Variants in SFTPA1 observed in about 807,000 individuals in gnomAD.
SFTPA1 encodes the protein pulmonary surfactant-associated protein A1.
A neutral mutation model predicts 19.1 loss-of-function variants in SFTPA1; 13 were observed. The observed-to-expected ratio is 0.68, with a 90% CI of 0.44 to 1.08. The LOEUF (loss-of-function observed/expected upper bound fraction) is 1.08, where lower values mean the gene tolerates loss of function less well. Ranked by LOEUF, SFTPA1 falls within the 50% of genes least tolerant of loss-of-function variation. The pLI is 0.00. For missense variants in SFTPA1, 259 were observed against 316.4 expected (o/e 0.82, Z 1.38); for synonymous variants, 101 against 117.0 (o/e 0.86, Z 0.88).
chr10:79,613,736 G>T lies in SFTPA1; in HGVS notation c.371-1G>T, dbSNP rs974675731. The T allele has an allele frequency of 9.3e-6, 15 of 1,613,866 alleles. No individual in the cohort carries two copies. The highest frequency in any genetic ancestry group is 1.3e-5 in the Non-Finnish European group (15 of 1,179,878). Reference sequence around the variant, plus strand: ...CCTGACCCGGACTCCTCTGCTCTCAGCCCTCAGTCTGCAGGGCTCCATAAT... The same window carrying T: ...CCTGACCCGGACTCCTCTGCTCTCATCCCTCAGTCTGCAGGGCTCCATAAT... On this transcript the variant is annotated splice_acceptor_variant, in intron 5 of 5. Transcript: ENST00000398636. LOFTEE classifies it high-confidence loss of function.
intron 5 of SFTPA1, among the ~76,000 whole-genome samples, chr10:79,613,505 T>C (rs564750393): frequency 6.6e-6 from 1 of 152,316 alleles, no homozygotes; most frequent in Non-Finnish European, 1.5e-5. Context: ...TCCACTGAAT[T>C]CCAGGAAATT....
intron 3 of SFTPA1, 132 bp downstream of exon 3, chr10:79,612,129 G>A: frequency 3.1e-6 from 5 of 1,588,296 alleles, no homozygotes; most frequent in Non-Finnish European, 4.3e-6. Context: ...ACTTCAGTCT[G>A]CAGGGCTGGT....
chr10:79,611,714 C>T, intron 2 of SFTPA1, 89 bp from the exon 3 acceptor site: 1 of 1,608,000 alleles, frequency 6.2e-7, no homozygotes, highest in Non-Finnish European at 8.5e-7. Context: ...GCCTCTCGGG[C>T]TCTGCCCAGC....
At chr10:79,612,738 C>T (rs1859933171) in intron 4 of SFTPA1, among the ~76,000 whole-genome samples, 1 of 152,008 alleles carries the variant, frequency 6.6e-6, no homozygotes, top group South Asian at 2.1e-4. Flanking sequence ...GATGGAGGCC[C>T]TGGGGGCTGT....
At chr10:79,613,040 T>A (rs1610803) in intron 4 of SFTPA1, 149 bp from the exon 5 acceptor site, 1 of 1,508,384 alleles carries the variant, frequency 6.6e-7, no homozygotes, top group African/African-American at 1.4e-5. Context: ...ACTGGAATCT[T>A]GTGGACCCTC....
Position 79,614,288 on chromosome 10 carries a change from C to T in SFTPA1, c.*175C>T. 1 of 1,026,532 alleles carries T rather than the reference C, an allele frequency of 9.7e-7. No individual in the cohort carries two copies. The allele number at this position is 1,026,532 out of a possible 1,614,324, so 63.6% of individuals were successfully genotyped here. A position where few individuals can be genotyped will look rare whatever the true frequency, so the allele number is the denominator to read the frequency against. The stretch of plus-strand genomic sequence containing the variant: ...CCTCTGATGGGCCCTGACTCTTCCC[C>T]ATAATCACTGACCAGCCTTGACACT... On this transcript the variant is annotated 3_prime_UTR_variant, in exon 6 of 6. Transcript: ENST00000398636.
In SFTPA1 at chr10:79,614,382, G is replaced by A; in HGVS notation, c.*269G>A. ...TTAGCCTTGGCCTTCGACATGAGAT[G>A]GAGCCCTCCTTATTCCCCATCTGGT... On this transcript the variant is annotated 3_prime_UTR_variant, in exon 6 of 6. Transcript: ENST00000398636. The A allele has an allele frequency of 1.8e-6, 1 of 568,792 alleles. No homozygotes were observed. Among genetic ancestry groups the A allele is most frequent in the Admixed American group, 3.1e-5 (1 of 32,422 alleles). 35.2% of individuals were successfully genotyped at this position (568,792 alleles called of 1,614,324 possible).
intron 3 of SFTPA1, 49 bp downstream of exon 3, chr10:79,612,046 T>C (rs757373648): frequency 1.1e-5 from 17 of 1,607,308 alleles, no homozygotes; most frequent in Middle Eastern, 3.6e-4. Flanking sequence ...AGACCCCTTT[T>C]CAGGAGGCCC....
Position 79,612,387 on chromosome 10 carries a change from G to A in SFTPA1, c.248G>A (p.Gly83Glu), listed in dbSNP as rs762122985. The change falls in exon 4 of 6, where the codon GGA (glycine) becomes GAA (glutamate). Residue 83 changes from glycine (G) to glutamate (E), a missense_variant. Transcript: ENST00000398636. ...DGLPGAPGIP[G>E]ECGEKGEPGE... ...CTGCCTGGAGCCCCTGGTATCCCTGGAGAGTGTGGAGAGAAGGGGGAGCCT... is the reference window on the plus strand; with the variant it reads ...CTGCCTGGAGCCCCTGGTATCCCTGAAGAGTGTGGAGAGAAGGGGGAGCCT... 6.2e-7 allele frequency: 1 copy of A among 1,613,938 alleles called. No individual in the cohort carries two copies. The highest frequency in any genetic ancestry group is 8.5e-7 in the Non-Finnish European group (1 of 1,179,908).
At chr10:79,612,495 C>G (rs538844818) in intron 4 of SFTPA1, 64 bp downstream of exon 4, 1 of 1,603,230 alleles carries the variant, frequency 6.2e-7, no homozygotes, top group African/African-American at 1.3e-5. Context: ...GTCAGTTACA[C>G]GGGGATGATG....
intron 2 of SFTPA1, 137 bp from the exon 3 acceptor site, chr10:79,611,666 G>T: frequency 6.4e-7 from 1 of 1,568,972 alleles, no homozygotes; most frequent in Admixed American, 1.9e-5. Context: ...TTTCCCGGGA[G>T]CTTCGGGTCT....
At position 79,613,742 on chromosome 10, in the gene SFTPA1, A is replaced by G. The variant is rs147977083; in HGVS notation, c.376A>G (p.Ser126Gly). The G allele has an allele frequency of 1.9e-6, 3 of 1,613,876 alleles. No individual in the cohort carries two copies. The African/African-American group carries it at 4.0e-5, about 22-fold the overall frequency. Residue 126 changes from serine to glycine, a missense_variant, in exon 6 of 6, where the codon AGT becomes GGT. Coordinates refer to ENST00000398636, the MANE Select transcript of SFTPA1 (RefSeq NM_005411.5). ...HQILQTRGALSLQGSIMTVGE... is the reference protein window; with the variant it reads ...HQILQTRGALGLQGSIMTVGE... The stretch of plus-strand genomic sequence containing the variant: ...CCGGACTCCTCTGCTCTCAGCCCTC[A>G]GTCTGCAGGGCTCCATAATGACAGT...
At position 79,614,232 on chromosome 10, in the gene SFTPA1, T is replaced by C; in HGVS notation, c.*119T>C. 6.4e-7 allele frequency: 1 copy of C among 1,555,404 alleles called. No individual in the cohort carries two copies. The highest frequency in any genetic ancestry group is 8.8e-7 in the Non-Finnish European group (1 of 1,138,992). The stretch of plus-strand genomic sequence containing the variant: ...TTCAACAGAATTCACTTGTGGCTAT[T>C]GGGACTGGAGGCACCCTTAGCCACT... On this transcript the variant is annotated 3_prime_UTR_variant, in exon 6 of 6. Coordinates refer to ENST00000398636, the MANE Select transcript of SFTPA1 (RefSeq NM_005411.5).
rs991773324 is a variant in SFTPA1, at chr10:79,613,138, T to C, written c.293-51T>C. 6 of 1,613,262 alleles carry C rather than the reference T, an allele frequency of 3.7e-6. No homozygotes were observed. The South Asian group carries it at 6.6e-5, about 18-fold the overall frequency. On this transcript the variant is annotated intron_variant, in intron 4 of 5. Coordinates refer to ENST00000398636, the MANE Select transcript of SFTPA1 (RefSeq NM_005411.5). ...GGCAAAACACCTGCGTGGCAGCAAG[T>C]GGGAGTCTTCACTGGCCTGCCCCTC...
At position 79,613,273 on chromosome 10, in the gene SFTPA1, G is replaced by A. The variant is rs1390802543; in HGVS notation, c.370+7G>A. Reference sequence around the variant, plus strand: ...ATCCTGCAGACAAGGGGAGGTAAGGGGACCCCCTGGGCCTCACGGGGTAGG... The same window carrying A: ...ATCCTGCAGACAAGGGGAGGTAAGGAGACCCCCTGGGCCTCACGGGGTAGG... On this transcript the variant is annotated splice_region_variant and intron_variant, in intron 5 of 5. Transcript: ENST00000398636. 13 of 1,614,012 alleles carry A rather than the reference G, an allele frequency of 8.1e-6. No homozygotes were observed. The highest frequency in any genetic ancestry group is 1.1e-5 in the Non-Finnish European group (13 of 1,179,976).
In SFTPA1 at chr10:79,611,875, G is replaced by A. The variant is rs201467030; in HGVS notation, c.50G>A (p.Gly17Asp). 2.3e-4 allele frequency: 364 copies of A among 1,614,020 alleles called. 2 individuals are homozygous for A. The Admixed American group carries it at 5.3e-3, about 23-fold the overall frequency. ...AACCTCATCTTGATGGCAGCCTCTG[G>A]TGCTGTGTGCGAAGTGAAGGACGTT... ...ALNLILMAAS[G>D]AVCEVKDVCV... The change falls in exon 3 of 6, where the codon GGT (glycine) becomes GAT (aspartate). Residue 17 changes from glycine to aspartate, a missense_variant. Physicochemically the swap from Gly to Asp is moderately conservative, Grantham distance 94 (BLOSUM62 -1). Transcript: ENST00000398636.
chr10:79,611,728 C>T, intron 2 of SFTPA1, 75 bp from the exon 3 acceptor site: 1 of 1,610,260 alleles, frequency 6.2e-7, no homozygotes, highest in Non-Finnish European at 8.5e-7. Context: ...GCCCAGCTTC[C>T]TGAGTCCTGA....
Position 79,615,314 on chromosome 10 carries a change from TTCCA to T in SFTPA1, c.*1202_*1205del, listed in dbSNP as rs1266756408. On this transcript the variant is annotated 3_prime_UTR_variant, in exon 6 of 6. Coordinates refer to ENST00000398636, the MANE Select transcript of SFTPA1 (RefSeq NM_005411.5). ...GAGGAGTTAAATGTTTTGAGTATTA[TTCCA>T]GAGAGCAAGTGGCAGAGGCTGGATC... The T allele has an allele frequency of 4.0e-5, 12 of 296,614 alleles. No individual in the cohort carries two copies. Among genetic ancestry groups the T allele is most frequent in the Non-Finnish European group, 8.1e-5 (12 of 148,444 alleles). 18.4% of individuals were successfully genotyped at this position (296,614 alleles called of 1,614,324 possible).
Position 79,613,879 on chromosome 10 carries a change from T to C in SFTPA1, c.513T>C (p.Asn171=), listed in dbSNP as rs1328119865. The change falls in exon 6 of 6, where the codon AAT becomes AAC. Residue 171 remains asparagine, a synonymous_variant. Coordinates refer to ENST00000398636, the MANE Select transcript of SFTPA1 (RefSeq NM_005411.5). ...CTGTCCCAAGGAATCCAGAGGAAAA[T>C]GAGGCCATTGCAAGCTTCGTGAAGA... The part of the protein sequence containing the change: ...RIAVPRNPEE[N]EAIASFVKKY... The C allele has an allele frequency of 1.9e-6, 3 of 1,613,760 alleles. No individual in the cohort carries two copies. The highest frequency in any genetic ancestry group is 2.2e-5 in the South Asian group (2 of 91,058).
Sources: gnomAD v4.1 joint callset for allele counts (sites outside exome capture counted in the v4.1 genomes callset) on GRCh38, gnomAD v4.1.1 for gene constraint, MANE v1.5 for transcripts, NCBI Gene and HGNC (gene_info 2026-07-23, HGNC 2026-07-21) for gene names.